SYN2: variants seen among roughly 807,000 people sequenced by gnomAD.
SYN2 encodes synapsin II, also known as synapsin-2.
In SYN2, 19 loss-of-function variants were observed where a neutral mutation model predicts 50.9. That is an observed-to-expected ratio of 0.37 (90% CI 0.26 to 0.55). SYN2 has a LOEUF of 0.55. Among genes scored for constraint, SYN2 ranks in the 20% least tolerant of loss-of-function variants. SYN2 has a pLI of 0.81. For synonymous variants in SYN2, 255 were observed against 224.9 expected, an observed-to-expected ratio of 1.13 and a Z score of -1.20; for missense variants, 587 against 576.4, an observed-to-expected ratio of 1.02 and a Z score of -0.19.
chr3:12,158,744 C>A, intron 5 of SYN2: 1 of 1,609,002 alleles, frequency 6.2e-7, no homozygotes, highest in Non-Finnish European at 8.5e-7. Flanking sequence ...TGCGCCGGGG[C>A]GCAGCTGCAT....
chr3:12,140,770 A>C (rs1257172894), intron 2 of SYN2, 62 bp downstream of exon 2: 6 of 723,534 alleles, frequency 8.3e-6, no homozygotes, highest in Non-Finnish European at 7.7e-6. Context: ...GACATGCCAG[A>C]GTGAACCATC....
At chr3:12,178,756 CTTTACAG>C (rs1378600666) in intron 10 of SYN2, among the ~76,000 whole-genome samples, 1 of 152,182 alleles carries the variant, frequency 6.6e-6, no homozygotes, top group Non-Finnish European at 1.5e-5. Context: ...TTGCCTAACA[CTTTACAG>C]TTTACAAAGC....
chr3:12,070,031 C>T (rs1045574720), intron 1 of SYN2, among the ~76,000 whole-genome samples: 2 of 151,774 alleles, frequency 1.3e-5, no homozygotes, highest in Admixed American at 6.6e-5. Flanking sequence ...ATTCCTCAAA[C>T]TCAAGTGATC....
At chr3:12,184,259 G>T (rs1698291774) in intron 11 of SYN2, 1 of 985,860 alleles carries the variant, frequency 1.0e-6, no homozygotes, top group Non-Finnish European at 1.2e-6. Flanking sequence ...AAGTGAACTT[G>T]TGAGTATTTT....
In SYN2 at chr3:12,153,184, A is replaced by G. The variant is rs571957033; in HGVS notation, c.774+1858A>G. 33 of 397,134 alleles carry G rather than the reference A, an allele frequency of 8.3e-5. No individual in the cohort carries two copies. In the Middle Eastern group the frequency reaches 3.8e-3, roughly 46 times the overall value. The allele number at this position is 397,134 out of a possible 1,614,324, so 24.6% of individuals were successfully genotyped here. On this transcript the variant is annotated intron_variant, in intron 5 of 12. Transcript: ENST00000621198. ...GTATGACATTCGCCATTTCTCCCCT[A>G]CCAGATCGATTAAGACAAAGGAAAA...
At chr3:12,016,534 C>G (rs1296227647) in intron 1 of SYN2, among the ~76,000 whole-genome samples, 2 of 152,212 alleles carry the variant, frequency 1.3e-5, no homozygotes, top group Non-Finnish European at 2.9e-5. Flanking sequence ...GGCAGTTTAA[C>G]TGTTCAAGTC....
At chr3:12,160,042 CAAAA>C (rs3079818) in intron 5 of SYN2, among the ~76,000 whole-genome samples, 77 of 67,620 alleles carry the variant, frequency 1.1e-3, no homozygotes, top group Middle Eastern at 0.011. Context: ...GACTCCGTCT[CAAAA>C]AAAAAAAAAA....
chr3:12,021,211 A>C (rs1307226709), intron 1 of SYN2, among the ~76,000 whole-genome samples: 1 of 152,212 alleles, frequency 6.6e-6, no homozygotes, highest in Non-Finnish European at 1.5e-5. Context: ...AACCATAGGC[A>C]TTCTCAATTT....
At chr3:12,147,262 CT>C (rs1697173949) in intron 4 of SYN2, among the ~76,000 whole-genome samples, 1 of 151,878 alleles carries the variant, frequency 6.6e-6, no homozygotes, top group African/African-American at 2.4e-5. Context: ...TGATCTTGAT[CT>C]TTTTTTTCAC....
At chr3:12,020,880 A>T (rs7625026) in intron 1 of SYN2, among the ~76,000 whole-genome samples, 5 of 152,156 alleles carry the variant, frequency 3.3e-5, no homozygotes, top group African/African-American at 1.2e-4. Context: ...AATGTAATAA[A>T]GTATGATTTA....
At chr3:12,119,670 C>T (rs984240108) in intron 1 of SYN2, among the ~76,000 whole-genome samples, 6 of 152,094 alleles carry the variant, frequency 3.9e-5, no homozygotes, top group Non-Finnish European at 7.4e-5. Flanking sequence ...TCCAGAAACC[C>T]TTTCTTTTAG....
At chr3:12,032,957 C>G (rs1223811218) in intron 1 of SYN2, among the ~76,000 whole-genome samples, 1 of 106,870 alleles carries the variant, frequency 9.4e-6, no homozygotes, top group African/African-American at 3.7e-5. Flanking sequence ...GAGAGGCGCT[C>G]TGCGTTTTAG....
chr3:12,132,281 G>A (rs1696813046), intron 1 of SYN2, among the ~76,000 whole-genome samples: 1 of 152,118 alleles, frequency 6.6e-6, no homozygotes, highest in African/African-American at 2.4e-5. Context: ...GTAGAGCAGA[G>A]TCCTCACCTA....
intron 11 of SYN2, 32 bp downstream of exon 11, chr3:12,183,404 C>T: frequency 6.2e-7 from 1 of 1,613,668 alleles, no homozygotes; most frequent in Non-Finnish European, 8.5e-7. Context: ...ACTGTAATGG[C>T]ATTGCAGTAG....
rs1203205619 is a variant in SYN2, at chr3:12,167,249, A to G, written c.996A>G (p.Ser332=). The G allele has an allele frequency of 1.2e-6, 2 of 1,612,826 alleles. No homozygotes were observed. Among genetic ancestry groups the G allele is most frequent in the African/African-American group, 1.3e-5 (1 of 74,924 alleles). ...NYKAYMRTSI[S]GNWKTNTGSA... ...CTTGTTGCAGGAGGACATCGATCTC[A>G]GGGAACTGGAAGACGAACACTGGCT... The change falls in exon 8 of 13, where the codon TCA becomes TCG. Residue 332 remains serine, a synonymous_variant. Coordinates refer to ENST00000621198, the MANE Select transcript of SYN2 (RefSeq NM_133625.6).
chr3:12,161,934 G>C, intron 6 of SYN2, 78 bp from the exon 7 acceptor site: 1 of 1,574,654 alleles, frequency 6.4e-7, no homozygotes. Flanking sequence ...GGGTTTGGAG[G>C]CTCAGGGCCC....
chr3:12,119,066 A>G (rs1232151159), intron 1 of SYN2, among the ~76,000 whole-genome samples: 2 of 152,198 alleles, frequency 1.3e-5, no homozygotes, highest in African/African-American at 2.4e-5. Context: ...GCCTTTCACA[A>G]ACTCCATTTT....
At chr3:12,190,348 G>A in intron 12 of SYN2, 142 bp from the exon 13 acceptor site, 1 of 949,858 alleles carries the variant, frequency 1.1e-6, no homozygotes, top group Non-Finnish European at 1.6e-6. Context: ...TGGTAGCATG[G>A]CCACTTCTGG....
chr3:12,100,354 A>G (rs1044167165), intron 1 of SYN2, among the ~76,000 whole-genome samples: 1 of 152,188 alleles, frequency 6.6e-6, no homozygotes, highest in Non-Finnish European at 1.5e-5. Flanking sequence ...GCCAATTTAT[A>G]TTTGACAAGA....
Sources: allele counts gnomAD v4.1 joint callset (sites outside exome capture counted in the v4.1 genomes callset), GRCh38; gene constraint gnomAD v4.1.1; transcripts MANE v1.5; gene names NCBI Gene and HGNC (gene_info 2026-07-23, HGNC 2026-07-21).